CDKAL1: variants seen among roughly 807,000 people sequenced by gnomAD.
CDKAL1 encodes threonylcarbamoyladenosine tRNA methylthiotransferase.
Under a neutral mutation model 68.2 loss-of-function variants are expected in CDKAL1, and 32 were observed. The observed-to-expected ratio is 0.47, with a 90% CI of 0.35 to 0.63. The LOEUF (loss-of-function observed/expected upper bound fraction) is 0.63. Ranked by LOEUF, CDKAL1 falls within the 30% of genes least tolerant of loss-of-function variation. The pLI is 0.00. For missense variants in CDKAL1, 606 were observed against 696.7 expected (o/e 0.87, Z 1.47); for synonymous variants, 234 against 244.3 (o/e 0.96, Z 0.39).
At chr6:20,674,553 T>G (rs1770000890) in intron 5 of CDKAL1, among the ~76,000 whole-genome samples, 1 of 152,220 alleles carries the variant, frequency 6.6e-6, no homozygotes, top group Non-Finnish European at 1.5e-5. Context: ...AGTTTATTCA[T>G]CACCTCAAAC....
intron 5 of CDKAL1, among the ~76,000 whole-genome samples, chr6:20,729,628 G>A (rs962597125): frequency 7.9e-5 from 12 of 152,054 alleles, no homozygotes; most frequent in Non-Finnish European, 1.5e-4. Context: ...TAACCCTCAC[G>A]ACAACCTCAT....
intron 9 of CDKAL1, among the ~76,000 whole-genome samples, chr6:20,945,377 C>A (rs1764188287): frequency 6.6e-6 from 1 of 152,084 alleles, no homozygotes; most frequent in Non-Finnish European, 1.5e-5. Context: ...TCTAAAATCC[C>A]TCTGTCCCAA....
In CDKAL1 at chr6:20,794,711, C is replaced by T. The variant is rs573891658; in HGVS notation, c.638+13446C>T. Among the ~76,000 whole-genome samples the T allele has an allele frequency of 3.9e-5, 6 of 152,050 alleles. 1 individual carries two copies. Among genetic ancestry groups the T allele is most frequent in the Admixed American group, 3.9e-4 (6 of 15,258 alleles). On this transcript the variant is annotated intron_variant, in intron 8 of 15. Transcript: ENST00000274695. ...AACTGAGGCCCCAAGGACTAATGTC[C>T]GAAAGTTTGGTGGCCCACAGATTGT...
intron 13 of CDKAL1, among the ~76,000 whole-genome samples, chr6:21,162,554 A>C (rs914088365): frequency 6.6e-6 from 1 of 152,228 alleles, no homozygotes; most frequent in Non-Finnish European, 1.5e-5. Context: ...AAGTAAAAAC[A>C]AAAGCCACCT....
Position 21,231,002 on chromosome 6 carries a change from GTCT to G in CDKAL1, c.1708_1710del (p.Leu570del). 6.2e-7 allele frequency: 1 copy of G among 1,609,188 alleles called. No individual in the cohort carries two copies. The highest frequency in any genetic ancestry group is 8.5e-7 in the Non-Finnish European group (1 of 1,176,764). ...ATGTCCGTGGGCTTGGCTCTGCTGGGTCTTCTTTTTGCTTTTTTTGTCAAGGTC... is the reference window on the plus strand; with the variant it reads ...ATGTCCGTGGGCTTGGCTCTGCTGGGTCTTTTTGCTTTTTTTGTCAAGGTC... On this transcript the variant is annotated inframe_deletion, in exon 16 of 16. Coordinates refer to ENST00000274695, the MANE Select transcript of CDKAL1 (RefSeq NM_017774.3).
chr6:20,810,382 T>C (rs549339143), intron 8 of CDKAL1, among the ~76,000 whole-genome samples: 554 of 140,446 alleles, frequency 3.9e-3, no homozygotes, highest in Non-Finnish European at 6.6e-3. Flanking sequence ...TCTCTCTCTC[T>C]CTCTCTCTGT....
chr6:21,170,053 C>T (rs144344591), intron 13 of CDKAL1, among the ~76,000 whole-genome samples: 197 of 152,102 alleles, frequency 1.3e-3, no homozygotes, highest in African/African-American at 4.5e-3. Flanking sequence ...CAAATTCATA[C>T]CTATCACTGA....
At chr6:20,799,051 T>TTG (rs1490804744) in intron 8 of CDKAL1, among the ~76,000 whole-genome samples, 2 of 116,148 alleles carry the variant, frequency 1.7e-5, no homozygotes, top group Admixed American at 9.5e-5. Context: ...TTTTTTTTTT[T>TTG]TTTTTTTTTT....
chr6:20,709,582 G>A (rs1191003135), intron 5 of CDKAL1, among the ~76,000 whole-genome samples: 1 of 152,066 alleles, frequency 6.6e-6, no homozygotes, highest in East Asian at 1.9e-4. Flanking sequence ...CAGTTAAGAT[G>A]CTTGTTGGTT....
intron 15 of CDKAL1, among the ~76,000 whole-genome samples, chr6:21,217,823 G>T (rs2100707): frequency 6.6e-6 from 1 of 151,998 alleles, no homozygotes; most frequent in African/African-American, 2.4e-5. Flanking sequence ...GGAACTCGCT[G>T]TGTTGCCCAG....
chr6:21,098,168 C>A (rs187536647), intron 12 of CDKAL1, among the ~76,000 whole-genome samples: 1 of 152,136 alleles, frequency 6.6e-6, no homozygotes, highest in African/African-American at 2.4e-5. Flanking sequence ...TAGAGCTCGG[C>A]GAATGGATTT....
intron 9 of CDKAL1, among the ~76,000 whole-genome samples, chr6:20,924,841 T>C (rs776692469): frequency 1.3e-4 from 20 of 152,184 alleles, no homozygotes; most frequent in Admixed American, 2.0e-4. Context: ...AAACAACAGA[T>C]TTTCAATATA....
At chr6:20,603,093 A>C (rs796262622) in intron 4 of CDKAL1, among the ~76,000 whole-genome samples, 2 of 152,246 alleles carry the variant, frequency 1.3e-5, no homozygotes, top group African/African-American at 4.8e-5. Flanking sequence ...TTCCTCTTCT[A>C]CTTTTTCTTT....
rs550607328 is a variant in CDKAL1, at chr6:20,987,630, T to G, written c.910-12597T>G. Among the ~76,000 whole-genome samples, 7 of 152,252 alleles carry G rather than the reference T, an allele frequency of 4.6e-5. No individual in the cohort carries two copies. The South Asian group carries it at 1.2e-3, about 27-fold the overall frequency. ...TTTTGTTGCTCTTGCAACAGTTAAC[T>G]TCTTCTTCCCGTGTTTTACCTTCAT... is the stretch of plus-strand genomic sequence containing the variant. On this transcript the variant is annotated intron_variant, in intron 10 of 15. Transcript: ENST00000274695.
intron 6 of CDKAL1, among the ~76,000 whole-genome samples, chr6:20,747,381 A>G (rs1308989095): frequency 1.3e-5 from 2 of 152,122 alleles, no homozygotes; most frequent in Non-Finnish European, 2.9e-5. Context: ...TGGTAGTTCT[A>G]TTTTTAAGTC....
intron 9 of CDKAL1, among the ~76,000 whole-genome samples, chr6:20,918,535 C>G (rs909734652): frequency 7.2e-5 from 11 of 152,198 alleles, no homozygotes; most frequent in Non-Finnish European, 1.5e-5. Context: ...GTAACACATG[C>G]TCATTCTTGT....
chr6:20,921,274 CA>C (rs781406763), intron 9 of CDKAL1, among the ~76,000 whole-genome samples: 3 of 152,034 alleles, frequency 2.0e-5, no homozygotes, highest in Non-Finnish European at 4.4e-5. Flanking sequence ...ACTAAAAATA[CA>C]AAAATTAGCT....
chr6:21,147,509 A>G (rs1776237235), intron 13 of CDKAL1, among the ~76,000 whole-genome samples: 1 of 152,150 alleles, frequency 6.6e-6, no homozygotes, highest in South Asian at 2.1e-4. Flanking sequence ...CTCTGTGTCC[A>G]TTGTCCACTG....
intron 13 of CDKAL1, among the ~76,000 whole-genome samples, chr6:21,183,559 C>T (rs1189327323): frequency 6.6e-6 from 1 of 152,170 alleles, no homozygotes; most frequent in African/African-American, 2.4e-5. Flanking sequence ...TCCCTCATGA[C>T]TACTTGAATA....
Sources: allele counts gnomAD v4.1 joint callset (sites outside exome capture counted in the v4.1 genomes callset), GRCh38; gene constraint gnomAD v4.1.1; transcripts MANE v1.5; gene names NCBI Gene and HGNC (gene_info 2026-07-23, HGNC 2026-07-21).